MPP7: variants seen among roughly 807,000 people sequenced by gnomAD.
MPP7 encodes MAGUK p55 scaffold protein 7.
A neutral mutation model predicts 76.5 loss-of-function variants in MPP7; 60 were observed. The observed-to-expected ratio is 0.78, with a 90% CI of 0.64 to 0.97. The LOEUF (loss-of-function observed/expected upper bound fraction) is 0.97, where lower values mean the gene tolerates loss of function less well. Among genes scored for constraint, MPP7 ranks in the 50% least tolerant of loss-of-function variants. The pLI is 0.00. For missense variants in MPP7, 641 were observed against 694.0 expected (o/e 0.92, Z 0.86); for synonymous variants, 237 against 244.5 (o/e 0.97, Z 0.29).
intron 11 of MPP7, among the ~76,000 whole-genome samples, chr10:28,117,076 A>C (rs1432772936): frequency 2.6e-5 from 4 of 152,102 alleles, no homozygotes; most frequent in African/African-American, 9.7e-5. Context: ...ATAGTTCCAG[A>C]ACCATCTTCC....
At chr10:28,092,269 T>A (rs1853342475) in intron 11 of MPP7, among the ~76,000 whole-genome samples, 1 of 152,184 alleles carries the variant, frequency 6.6e-6, no homozygotes, top group Non-Finnish European at 1.5e-5. Flanking sequence ...AGGTTATTTA[T>A]AAAGGATCTA....
intron 4 of MPP7, among the ~76,000 whole-genome samples, chr10:28,148,532 A>G (rs571579706): frequency 4.8e-4 from 73 of 152,296 alleles, no homozygotes; most frequent in African/African-American, 1.6e-3. Flanking sequence ...ATTTTCTCTA[A>G]AAGAAGGGCA....
At chr10:28,332,893 C>G (rs1834484064) in intron 1 of MPP7, among the ~76,000 whole-genome samples, 1 of 151,900 alleles carries the variant, frequency 6.6e-6, no homozygotes, top group African/African-American at 2.4e-5. Context: ...AAACTCCCAA[C>G]CTCAAGCAAT....
chr10:28,124,863 C>T, intron 7 of MPP7, 147 bp downstream of exon 7: 1 of 651,154 alleles, frequency 1.5e-6, no homozygotes, highest in East Asian at 2.7e-5. Context: ...TTTAAATAGG[C>T]TCTCACATTT....
At chr10:28,213,784 T>G (rs1222988310) in intron 2 of MPP7, among the ~76,000 whole-genome samples, 1 of 133,464 alleles carries the variant, frequency 7.5e-6, no homozygotes, top group Non-Finnish European at 1.5e-5. Flanking sequence ...AGAGTGAGAC[T>G]CTGTCTCAAA....
intron 11 of MPP7, among the ~76,000 whole-genome samples, chr10:28,109,837 A>G (rs1834438015): frequency 8.7e-6 from 1 of 114,650 alleles, no homozygotes; most frequent in Admixed American, 1.1e-4. Context: ...TTAGAAGGCC[A>G]GCCGCAGACG....
intron 3 of MPP7, among the ~76,000 whole-genome samples, chr10:28,196,715 G>C (rs1837594723): frequency 6.6e-6 from 1 of 152,108 alleles, no homozygotes; most frequent in African/African-American, 2.4e-5. Flanking sequence ...CAACAGGAGA[G>C]TTTCATATTT....
chr10:28,237,212 A>G (rs955262936), intron 2 of MPP7, among the ~76,000 whole-genome samples: 3 of 152,198 alleles, frequency 2.0e-5, no homozygotes, highest in Non-Finnish European at 4.4e-5. Flanking sequence ...AAACATATTC[A>G]TTACACGACT....
chr10:28,161,933 T>C (rs1836277003), intron 3 of MPP7, among the ~76,000 whole-genome samples: 1 of 152,180 alleles, frequency 6.6e-6, no homozygotes, highest in Admixed American at 6.5e-5. Context: ...TCTGATTACT[T>C]TCAAACGGCA....
intron 5 of MPP7, among the ~76,000 whole-genome samples, chr10:28,145,912 C>T (rs888335187): frequency 6.6e-6 from 1 of 152,164 alleles, no homozygotes; most frequent in African/African-American, 2.4e-5. Flanking sequence ...AGCCAAATAC[C>T]AGTTCTCATC....
At chr10:28,244,410 A>C (rs1369575467) in intron 1 of MPP7, among the ~76,000 whole-genome samples, 1 of 152,166 alleles carries the variant, frequency 6.6e-6, no homozygotes, top group Admixed American at 6.5e-5. Flanking sequence ...ACTATACATA[A>C]AGAATTTAAA....
intron 1 of MPP7, among the ~76,000 whole-genome samples, chr10:28,255,926 A>G (rs1267505755): frequency 1.3e-5 from 2 of 152,190 alleles, no homozygotes; most frequent in Non-Finnish European, 2.9e-5. Context: ...AAGAGACCAT[A>G]GTATGAGTGT....
chr10:28,193,514 C>T (rs1210639843), intron 3 of MPP7, among the ~76,000 whole-genome samples: 2 of 151,944 alleles, frequency 1.3e-5, no homozygotes, highest in East Asian at 3.9e-4. Flanking sequence ...ACTGGCCTGA[C>T]AATGAGTTTT....
intron 5 of MPP7, among the ~76,000 whole-genome samples, chr10:28,134,810 G>C (rs1835304992): frequency 6.6e-6 from 1 of 152,068 alleles, no homozygotes; most frequent in South Asian, 2.1e-4. Flanking sequence ...TAGATCATGA[G>C]AAAGGAAAGA....
intron 3 of MPP7, among the ~76,000 whole-genome samples, chr10:28,156,150 C>T (rs1355194753): frequency 2.0e-5 from 3 of 152,170 alleles, no homozygotes; most frequent in African/African-American, 7.2e-5. Flanking sequence ...ATCCCAATTC[C>T]GCCCCTTACT....
At chr10:28,105,267 G>C (rs1834287499) in intron 11 of MPP7, among the ~76,000 whole-genome samples, 1 of 147,754 alleles carries the variant, frequency 6.8e-6, no homozygotes, top group Non-Finnish European at 1.5e-5. Flanking sequence ...ATCAGCCCTT[G>C]AAGAAACATA....
chr10:28,223,889 C>T (rs1288275646), intron 2 of MPP7, among the ~76,000 whole-genome samples: 3 of 150,310 alleles, frequency 2.0e-5, no homozygotes, highest in East Asian at 1.9e-4. Flanking sequence ...ATGCCATAAA[C>T]GTCATTGCAA....
chr10:28,287,156 T>A (rs1333803164), intron 1 of MPP7, among the ~76,000 whole-genome samples: 1 of 152,158 alleles, frequency 6.6e-6, no homozygotes, highest in East Asian at 1.9e-4. Context: ...CAAAAAAAAA[T>A]AATAACTGAC....
chr10:28,145,844 T>C (rs1342579012), intron 5 of MPP7, among the ~76,000 whole-genome samples: 1 of 152,196 alleles, frequency 6.6e-6, no homozygotes, highest in African/African-American at 2.4e-5. Context: ...AACTAATTAT[T>C]ATAAAATTTT....
Sources: allele counts gnomAD v4.1 joint callset (sites outside exome capture counted in the v4.1 genomes callset), GRCh38; gene constraint gnomAD v4.1.1; transcripts MANE v1.5; gene names NCBI Gene and HGNC (gene_info 2026-07-23, HGNC 2026-07-21).